The following MEGF8 variants were observed in gnomAD, a reference collection of about 807,000 sequenced individuals.
MEGF8 encodes the protein multiple epidermal growth factor-like domains protein 8.
In MEGF8, 156 loss-of-function variants were observed where a neutral mutation model predicts 302.9. The observed-to-expected ratio is 0.52, with a 90% confidence interval of 0.45 to 0.59. The LOEUF (loss-of-function observed/expected upper bound fraction) is 0.59, where lower values mean the gene tolerates loss of function less well. MEGF8 is among the 20% of genes least tolerant of loss of function. MEGF8 has a pLI of 0.00. For missense variants in MEGF8, 3,345 were observed against 3,964.5 expected (o/e 0.84, Z 4.20); for synonymous variants, 1,621 against 1,660.5 (o/e 0.98, Z 0.58).
At position 42,335,075 on chromosome 19, in the gene MEGF8, G is replaced by A. The variant is rs201881006; in HGVS notation, c.599G>A (p.Arg200His). ...CGCTGTGAGCCTGGCTTCTTGGGACGTGCCTGTGACCTGCACCTGTGGGAG... is the reference window on the plus strand; with the variant it reads ...CGCTGTGAGCCTGGCTTCTTGGGACATGCCTGTGACCTGCACCTGTGGGAG... ...PCRCEPGFLG[R>H]ACDLHLWENQ... Residue 200 changes from arginine (R) to histidine (H), a missense_variant, in exon 4 of 42, where the codon CGT becomes CAT. Transcript: ENST00000251268. 178 of 1,613,720 alleles carry A rather than the reference G, an allele frequency of 1.1e-4. No individual in the cohort carries two copies. In the African/African-American group the frequency reaches 1.6e-3, roughly 15 times the overall value.
In MEGF8 at chr19:42,358,031, C is replaced by T; in HGVS notation, c.5012-113C>T. Reference sequence around the variant, plus strand: ...GACGGGTGGAGAGGGGCTCCCAGGCCTCCAGTCTCAGGGCCGGGGAAGGGA... The same window carrying T: ...GACGGGTGGAGAGGGGCTCCCAGGCTTCCAGTCTCAGGGCCGGGGAAGGGA... On this transcript the variant is annotated intron_variant, in intron 28 of 41. Coordinates refer to ENST00000251268, the MANE Select transcript of MEGF8 (RefSeq NM_001271938.2). This position sits in a 1 kb window ranked among gnomAD's most constrained non-coding sequence, Gnocchi z 4.4. 9.2e-7 allele frequency: 1 copy of T among 1,084,162 alleles called. No individual in the cohort carries two copies. The highest frequency in any genetic ancestry group is 1.6e-5 in the African/African-American group (1 of 61,326). 67.2% of individuals were successfully genotyped at this position (1,084,162 alleles called of 1,614,324 possible).
In MEGF8 at chr19:42,362,099, C is replaced by T. The variant is rs369480415; in HGVS notation, c.5730C>T (p.Cys1910=). Residue 1910 remains cysteine (C), a synonymous_variant, in exon 33 of 42, where the codon TGC becomes TGT. Transcript: ENST00000251268. ...LSGDQAHRLG[C]GGSPCSPMPR... is the part of the protein sequence containing the mutation. ...GCCTCATGTCCTTTAGGCTGGGCTG[C>T]GGGGGCTCCCCCTGCTCCCCAATGC... 47 of 1,612,020 alleles carry T rather than the reference C, an allele frequency of 2.9e-5. No individual in the cohort carries two copies. The highest frequency in any genetic ancestry group is 8.4e-5 in the Admixed American group (5 of 59,808).
At chr19:42,349,111 G>A (rs1268016553) in intron 13 of MEGF8, among the ~76,000 whole-genome samples, 1 of 152,070 alleles carries the variant, frequency 6.6e-6, no homozygotes, top group Middle Eastern at 3.2e-3. Context: ...ACTAGCCTGG[G>A]AAACATGGCG....
At chr19:42,361,625 C>T (rs531100694) in intron 32 of MEGF8, among the ~76,000 whole-genome samples, 8 of 152,124 alleles carry the variant, frequency 5.3e-5, no homozygotes, top group Non-Finnish European at 8.8e-5. Context: ...CAGTCTGAAA[C>T]GTGTGTACCT....
At position 42,336,330 on chromosome 19, in the gene MEGF8, C is replaced by T. The variant is rs755656068; in HGVS notation, c.1228C>T (p.Arg410Trp). The change falls in exon 6 of 42, where the codon CGG becomes TGG. Residue 410 changes from arginine (R) to tryptophan (W), a missense_variant. Transcript: ENST00000251268. The surrounding 1 kb of genome is among the most constrained non-coding windows in gnomAD (Gnocchi z 4.8). ...SRALLVHGGHRPSTARFSVRV... is the reference protein window; with the variant it reads ...SRALLVHGGHWPSTARFSVRV... ...TGCCCTGCTGGTCCATGGTGGACAC[C>T]GGCCCTCCACTGCCCGGTAAGTGAC... 7 of 1,598,506 alleles carry T rather than the reference C, an allele frequency of 4.4e-6. No individual in the cohort carries two copies. Among genetic ancestry groups the T allele is most frequent in the East Asian group, 4.5e-5 (2 of 44,692 alleles).
intron 32 of MEGF8, 133 bp downstream of exon 32, chr19:42,361,139 G>T (rs1394611209): frequency 3.2e-6 from 3 of 928,742 alleles, no homozygotes; most frequent in African/African-American, 3.4e-5. Flanking sequence ...CCGCAGGCAG[G>T]GTGGCCGGGG....
At position 42,362,514 on chromosome 19, in the gene MEGF8, C is replaced by CCGAGGCT. The variant is rs1215840340; in HGVS notation, c.5976_5982dup (p.Ala1995ArgfsTer8). 6.2e-7 allele frequency: 1 copy of CCGAGGCT among 1,613,810 alleles called. No individual in the cohort carries two copies. Among genetic ancestry groups the CCGAGGCT allele is most frequent in the Admixed American group, 1.7e-5 (1 of 60,030 alleles). Reference sequence around the variant, plus strand: ...GAGGTCTTCTGGGCAGGGAACTGCTCCGAGGCTGCGTGCGGGGCTGCTGAC... The same window carrying CCGAGGCT: ...GAGGTCTTCTGGGCAGGGAACTGCTCCGAGGCTCGAGGCTGCGTGCGGGGCTGCTGAC... On this transcript the variant is annotated frameshift_variant, in exon 34 of 42. Coordinates refer to ENST00000251268, the MANE Select transcript of MEGF8 (RefSeq NM_001271938.2). LOFTEE classifies it high-confidence loss of function.
Position 42,326,155 on chromosome 19 carries a change from C to T in MEGF8, c.-89C>T. The T allele has an allele frequency of 7.1e-7, 1 of 1,404,236 alleles. No individual in the cohort carries two copies. Among genetic ancestry groups the T allele is most frequent in the South Asian group, 1.8e-5 (1 of 56,976 alleles). The allele number at this position is 1,404,236 out of a possible 1,614,324, so 87.0% of individuals were successfully genotyped here. A position where few individuals can be genotyped will look rare whatever the true frequency, so the allele number is the denominator to read the frequency against. On this transcript the variant is annotated 5_prime_UTR_variant, in exon 1 of 42. Transcript: ENST00000251268. ...AAGGTCATGTTATGCCTATAGAGGT[C>T]GCATTTGCAGGGCCTCACCCCGGGT...
chr19:42,360,933 C>T lies in MEGF8; in HGVS notation c.5647C>T (p.Pro1883Ser), dbSNP rs1182765199. 3 of 1,609,382 alleles carry T rather than the reference C, an allele frequency of 1.9e-6. No individual in the cohort carries two copies. The highest frequency in any genetic ancestry group is 2.7e-5 in the African/African-American group (2 of 74,984). ...TGACCCCTGCCGCCTGCTGTCCTCA[C>T]CTGAAGCTTGTAACCAGTCTGGGGC... ...PPDPCRLLSS[P>S]EACNQSGACT... The change falls in exon 32 of 42, where the codon CCT (proline) becomes TCT (serine). Residue 1883 changes from proline to serine, a missense_variant. By Grantham distance (74) the Pro-to-Ser change is moderately conservative. Coordinates refer to ENST00000251268, the MANE Select transcript of MEGF8 (RefSeq NM_001271938.2).
At position 42,336,263 on chromosome 19, in the gene MEGF8, T is replaced by C. The variant is rs1473908494; in HGVS notation, c.1161T>C (p.Pro387=). The change falls in exon 6 of 42, where the codon CCT becomes CCC. Residue 387 remains proline, a synonymous_variant. Coordinates refer to ENST00000251268, the MANE Select transcript of MEGF8 (RefSeq NM_001271938.2). The surrounding 1 kb of genome is among the most constrained non-coding windows in gnomAD (Gnocchi z 4.8). ...TGATTCCGGCAGGCGGACGGCCCCC[T>C]GCTGCCACTGGCCACTCCATGGTGT... The part of the protein sequence containing the change: ...EQVIPAGGRP[P]AATGHSMVFH... 4 of 1,606,980 alleles carry C rather than the reference T, an allele frequency of 2.5e-6. No homozygotes were observed. Among genetic ancestry groups the C allele is most frequent in the Non-Finnish European group, 3.4e-6 (4 of 1,179,726 alleles).
Position 42,344,766 on chromosome 19 carries a change from A to G in MEGF8, c.2030A>G (p.Gln677Arg), listed in dbSNP as rs535539556. ...ACGTCCCTGGAGGCCTGCGTCACCC[A>G]GAGCTTCCTGCCTGGCCTGCACTTG... ...FVTSLEACVT[Q>R]SFLPGLHLLT... The change falls in exon 12 of 42, where the codon CAG becomes CGG. Residue 677 changes from glutamine to arginine, a missense_variant. Coordinates refer to ENST00000251268, the MANE Select transcript of MEGF8 (RefSeq NM_001271938.2). The surrounding 1 kb of genome is among the most constrained non-coding windows in gnomAD (Gnocchi z 4.5). 7.4e-6 allele frequency: 12 copies of G among 1,611,774 alleles called. No homozygotes were observed. The South Asian group carries it at 1.1e-4, about 15-fold the overall frequency.
At chr19:42,347,002 A>G (rs963081222) in intron 12 of MEGF8, among the ~76,000 whole-genome samples, 40 of 150,360 alleles carry the variant, frequency 2.7e-4, no homozygotes, top group African/African-American at 9.3e-4. Context: ...AAAAAAAAAA[A>G]AAAGAAAAAG....
Position 42,350,165 on chromosome 19 carries a change from C to T in MEGF8, c.2517C>T (p.Phe839=). The part of the protein sequence containing the change: ...VPGGSEISFF[F]LEPYRSSSCT... ...TTCCCCAGGAGATCTCCTTCTTCTT[C>T]CTGGAGCCCTACCGCTCGTCGTCCT... is the stretch of plus-strand genomic sequence containing the variant. The change falls in exon 15 of 42, where the codon TTC becomes TTT. Residue 839 remains phenylalanine (F), a synonymous_variant. Transcript: ENST00000251268. 6.2e-7 allele frequency: 1 copy of T among 1,612,608 alleles called. No individual in the cohort carries two copies. The highest frequency in any genetic ancestry group is 8.5e-7 in the Non-Finnish European group (1 of 1,179,020).
At position 42,356,183 on chromosome 19, in the gene MEGF8, G is replaced by A. The variant is rs1360905851; in HGVS notation, c.4493G>A (p.Arg1498His). The A allele has an allele frequency of 3.3e-6, 5 of 1,531,576 alleles. No individual in the cohort carries two copies. Among genetic ancestry groups the A allele is most frequent in the African/African-American group, 1.4e-5 (1 of 73,056 alleles). 94.9% of individuals were successfully genotyped at this position (1,531,576 alleles called of 1,614,324 possible). Residue 1498 changes from arginine to histidine, a missense_variant, in exon 25 of 42, where the codon CGC (arginine) becomes CAC (histidine). Arg to His is a conservative substitution (Grantham distance 29). Coordinates refer to ENST00000251268, the MANE Select transcript of MEGF8 (RefSeq NM_001271938.2). This position sits in a 1 kb window ranked among gnomAD's most constrained non-coding sequence, Gnocchi z 5.2. The stretch of plus-strand genomic sequence containing the variant: ...GTCTGGGAGACCCTCATGGACAGCC[G>A]CCTCTCAGCCGTGAGTTGTGGGTAC... Reference protein sequence around the residue: ...QLVWETLMDSRLSADTASRFL... With the variant: ...QLVWETLMDSHLSADTASRFL...
chr19:42,358,982 G>T lies in MEGF8; in HGVS notation c.5343+28G>T, dbSNP rs1447589060. ...GAGATTTGAAGAGGGTTAGGATTGG[G>T]TGGGCTGGTAGGGGGGGATAGGTAG... On this transcript the variant is annotated intron_variant, in intron 30 of 41. Coordinates refer to ENST00000251268, the MANE Select transcript of MEGF8 (RefSeq NM_001271938.2). This position sits in a 1 kb window ranked among gnomAD's most constrained non-coding sequence, Gnocchi z 4.4. 3 of 1,600,610 alleles carry T rather than the reference G, an allele frequency of 1.9e-6. No homozygotes were observed. The highest frequency in any genetic ancestry group is 2.6e-6 in the Non-Finnish European group (3 of 1,174,208).
rs142829766 is a variant in MEGF8 at position 42,371,427 on chromosome 19, C to A, written c.7214C>A (p.Thr2405Lys). The change falls in exon 41 of 42, where the codon ACG becomes AAG. Residue 2405 changes from threonine to lysine, a missense_variant. Thr to Lys is a moderately conservative substitution (Grantham distance 78, BLOSUM62 -1). Transcript: ENST00000251268. Reference sequence around the variant, plus strand: ...TGTCCATGTCAGAATAACACAGAGACGGGCACATGCCAGGGCAGCTCCCCC... The same window carrying A: ...TGTCCATGTCAGAATAACACAGAGAAGGGCACATGCCAGGGCAGCTCCCCC... ...TGCPCQNNTE[T>K]GTCQGSSPSD... 6.2e-7 allele frequency: 1 copy of A among 1,613,788 alleles called. No homozygotes were observed. The highest frequency in any genetic ancestry group is 2.2e-5 in the East Asian group (1 of 44,896).
intron 35 of MEGF8, among the ~76,000 whole-genome samples, chr19:42,363,905 T>C (rs1193184237): frequency 6.6e-6 from 1 of 152,198 alleles, no homozygotes; most frequent in Admixed American, 6.5e-5. Flanking sequence ...GGCCTCAGAT[T>C]GCAGCCTTGA....
chr19:42,330,845 G>T (rs1258875918), intron 1 of MEGF8, among the ~76,000 whole-genome samples: 1 of 152,180 alleles, frequency 6.6e-6, no homozygotes, highest in Non-Finnish European at 1.5e-5. Context: ...CTGGTGGTGG[G>T]AAGGGATAAT....
In MEGF8 at chr19:42,356,541, G is replaced by A. The variant is rs566232061; in HGVS notation, c.4622+88G>A. ...AGTCACCTCAGAGGAGTGCAGAAAA[G>A]CCTCTAAGGTAAAGGACAGCCCAAA... On this transcript the variant is annotated intron_variant, in intron 26 of 41. Coordinates refer to ENST00000251268, the MANE Select transcript of MEGF8 (RefSeq NM_001271938.2). This position sits in a 1 kb window ranked among gnomAD's most constrained non-coding sequence, Gnocchi z 5.2. 1.0e-5 allele frequency: 12 copies of A among 1,147,058 alleles called. No homozygotes were observed. The highest frequency in any genetic ancestry group is 2.8e-5 in the Admixed American group (1 of 35,656). 71.1% of individuals were successfully genotyped at this position (1,147,058 alleles called of 1,614,324 possible). A position where few individuals can be genotyped will look rare whatever the true frequency, so the allele number is the denominator to read the frequency against.
Sources: allele counts gnomAD v4.1 joint callset (sites outside exome capture counted in the v4.1 genomes callset), GRCh38; gene constraint gnomAD v4.1.1; non-coding constraint Gnocchi (gnomAD v3.1); transcripts MANE v1.5; gene names NCBI Gene and HGNC (gene_info 2026-07-23, HGNC 2026-07-21).